The following DLGAP2 variants were observed in gnomAD, a reference collection of about 807,000 sequenced individuals.
DLGAP2 encodes disks large-associated protein 2.
Under a neutral mutation model 100.3 loss-of-function variants are expected in DLGAP2, and 26 were observed. The ratio of observed to expected loss-of-function variants is 0.26; its 90% CI spans 0.19 to 0.36. The LOEUF is 0.36. DLGAP2 is among the 10% of genes least tolerant of loss of function. DLGAP2 has a pLI of 1.00. For synonymous variants in DLGAP2, 886 were observed against 630.1 expected (o/e 1.41, Z -6.08); for missense variants, 1,858 against 1,453.2 (o/e 1.28, Z -4.53).
At chr8:1,361,916 G>C (rs1268196104) in intron 3 of DLGAP2, among the ~76,000 whole-genome samples, 1 of 152,198 alleles carries the variant, frequency 6.6e-6, no homozygotes, top group African/African-American at 2.4e-5. Flanking sequence ...TAACTGTGCT[G>C]CCCCAGCCTG....
intron 6 of DLGAP2, among the ~76,000 whole-genome samples, chr8:1,593,121 C>G (rs1012997768): frequency 6.6e-6 from 1 of 152,108 alleles, no homozygotes; most frequent in South Asian, 2.1e-4. Flanking sequence ...ACAAACACAG[C>G]CGTTCAACAA....
intron 3 of DLGAP2, among the ~76,000 whole-genome samples, chr8:1,326,367 A>G (rs571898944): frequency 1.2e-4 from 18 of 152,360 alleles, no homozygotes; most frequent in African/African-American, 3.8e-4. Flanking sequence ...ATCACTTCAC[A>G]GTGTACCACA....
intron 2 of DLGAP2, among the ~76,000 whole-genome samples, chr8:1,129,443 T>G (rs1051049992): frequency 6.6e-6 from 1 of 152,032 alleles, no homozygotes; most frequent in Non-Finnish European, 1.5e-5. Flanking sequence ...TAAAAACTGA[T>G]TAAAAATTGA....
chr8:1,216,377 C>G (rs112033909), intron 2 of DLGAP2, among the ~76,000 whole-genome samples: 2 of 152,220 alleles, frequency 1.3e-5, no homozygotes, highest in African/African-American at 4.8e-5. Context: ...GGGGCAGGGT[C>G]TCACTCTGTT....
At chr8:1,426,558 G>T (rs1797240825) in intron 3 of DLGAP2, among the ~76,000 whole-genome samples, 1 of 152,166 alleles carries the variant, frequency 6.6e-6, no homozygotes. Flanking sequence ...CATCCAGACT[G>T]AAAGGGTTCT....
At chr8:1,228,549 C>G (rs142777570) in intron 2 of DLGAP2, among the ~76,000 whole-genome samples, 2,176 of 152,134 alleles carry the variant, frequency 0.014, 31 homozygotes, top group South Asian at 0.07. Context: ...TATAAAAATC[C>G]TCCACAAAAT....
intron 2 of DLGAP2, among the ~76,000 whole-genome samples, chr8:966,658 G>T (rs916299311): frequency 5.6e-5 from 8 of 142,942 alleles, no homozygotes; most frequent in African/African-American, 2.0e-4. Context: ...TGTGATGGGT[G>T]TTATCTTTTA....
At chr8:1,332,674 C>G (rs1181178146) in intron 3 of DLGAP2, among the ~76,000 whole-genome samples, 3 of 152,210 alleles carry the variant, frequency 2.0e-5, no homozygotes, top group Admixed American at 6.5e-5. Flanking sequence ...CAGGCTCAAC[C>G]TGCAGCCGCG....
At position 1,178,838 on chromosome 8, in the gene DLGAP2, C is replaced by G. The variant is rs73534813; in HGVS notation, c.74-80013C>G. On this transcript the variant is annotated intron_variant, in intron 2 of 14. Coordinates refer to ENST00000637795, the MANE Select transcript of DLGAP2 (RefSeq NM_001346810.2). The stretch of plus-strand genomic sequence containing the variant: ...AGCATCTGTCCACCCTGGTTTCTCA[C>G]AAGAGGGTGTGGGTGTGATTCAGCT... Among the ~76,000 whole-genome samples, 1,123 of 152,336 alleles carry G rather than the reference C, an allele frequency of 7.4e-3. 18 individuals are homozygous for G. Among genetic ancestry groups the G allele is most frequent in the African/African-American group, 0.026 (1,062 of 41,580 alleles).
intron 4 of DLGAP2, among the ~76,000 whole-genome samples, chr8:1,533,842 A>T (rs1162566645): frequency 6.6e-6 from 1 of 152,222 alleles, no homozygotes; most frequent in Non-Finnish European, 1.5e-5. Flanking sequence ...CTGTTGTCCC[A>T]GCTCCTCAGG....
At chr8:1,599,175 T>C (rs572406323) in intron 6 of DLGAP2, among the ~76,000 whole-genome samples, 3 of 152,294 alleles carry the variant, frequency 2.0e-5, no homozygotes, top group African/African-American at 7.2e-5. Context: ...AGTTGTGCAG[T>C]TTTGAGTGAG....
intron 3 of DLGAP2, among the ~76,000 whole-genome samples, chr8:1,483,542 G>A: frequency 6.9e-6 from 1 of 145,778 alleles, no homozygotes; most frequent in South Asian, 2.1e-4. Flanking sequence ...AAGAGGCTCA[G>A]GAAGCAGGAC....
chr8:789,745 A>C (rs1394992081), intron 1 of DLGAP2, among the ~76,000 whole-genome samples: 1 of 152,210 alleles, frequency 6.6e-6, no homozygotes, highest in African/African-American at 2.4e-5. Context: ...CCCAAAGTTA[A>C]ATCAAACACA....
chr8:1,537,212 T>C (rs1416250949), intron 4 of DLGAP2, among the ~76,000 whole-genome samples: 3 of 152,272 alleles, frequency 2.0e-5, no homozygotes, highest in East Asian at 3.9e-4. Context: ...CATATGTGTG[T>C]ACAAAAGCAT....
chr8:969,177 T>C (rs1237611541), intron 2 of DLGAP2, among the ~76,000 whole-genome samples: 1 of 152,160 alleles, frequency 6.6e-6, no homozygotes, highest in African/African-American at 2.4e-5. Context: ...AAGACCTGAC[T>C]AGAATGAAGG....
chr8:926,048 C>T (rs1482878796), intron 2 of DLGAP2, among the ~76,000 whole-genome samples: 1 of 152,156 alleles, frequency 6.6e-6, no homozygotes, highest in African/African-American at 2.4e-5. Context: ...CAGGTCTTAG[C>T]CATGCTGTCA....
chr8:1,453,937 C>T (rs12550754), intron 3 of DLGAP2, among the ~76,000 whole-genome samples: 1 of 152,228 alleles, frequency 6.6e-6, no homozygotes, highest in Non-Finnish European at 1.5e-5. Context: ...GGAATGTGGA[C>T]ATGTGCACAG....
At chr8:1,533,569 C>G (rs1419072279) in intron 4 of DLGAP2, among the ~76,000 whole-genome samples, 2 of 151,856 alleles carry the variant, frequency 1.3e-5, no homozygotes, top group Admixed American at 6.6e-5. Flanking sequence ...TAAATAAATA[C>G]TGTCTGACTA....
intron 6 of DLGAP2, among the ~76,000 whole-genome samples, chr8:1,578,841 C>T (rs1180856126): frequency 2.0e-5 from 3 of 152,172 alleles, no homozygotes; most frequent in African/African-American, 7.2e-5. Flanking sequence ...GACCCTCGGC[C>T]TTGTGTCCCC....
Sources: allele counts gnomAD v4.1 joint callset (sites outside exome capture counted in the v4.1 genomes callset), GRCh38; gene constraint gnomAD v4.1.1; transcripts MANE v1.5; gene names NCBI Gene and HGNC (gene_info 2026-07-23, HGNC 2026-07-21).